Variants in CFAP91 observed in about 807,000 individuals in gnomAD.
CFAP91 encodes the protein cilia- and flagella-associated protein 91.
Under a neutral mutation model 95.9 loss-of-function variants are expected in CFAP91, and 85 were observed. The observed-to-expected ratio is 0.89, with a 90% CI of 0.74 to 1.06. CFAP91 has a LOEUF of 1.06. Among genes scored for constraint, CFAP91 ranks in the 50% least tolerant of loss-of-function variants. The pLI, the probability that CFAP91 is intolerant of heterozygous loss-of-function variation, is 0.00. For missense variants in CFAP91, 962 were observed against 943.4 expected (o/e 1.02, Z -0.26); for synonymous variants, 335 against 327.5 (o/e 1.02, Z -0.25).
At chr3:119,722,303 A>G (rs1429943235) in intron 6 of CFAP91, among the ~76,000 whole-genome samples, 1 of 152,014 alleles carries the variant, frequency 6.6e-6, no homozygotes, top group African/African-American at 2.4e-5. Context: ...CTAAAAATAC[A>G]GAGAAATTAG....
chr3:119,723,540 C>G (rs77419942), intron 6 of CFAP91, among the ~76,000 whole-genome samples: 1,936 of 152,236 alleles, frequency 0.013, 51 homozygotes, highest in African/African-American at 0.044. Context: ...CTGTATATAT[C>G]AGTACAGCTA....
At chr3:119,749,804 T>G (rs950481617) in intron 16 of CFAP91, among the ~76,000 whole-genome samples, 1 of 152,216 alleles carries the variant, frequency 6.6e-6, no homozygotes, top group Non-Finnish European at 1.5e-5. Context: ...ACAGACGATT[T>G]TGAGGTATAT....
At chr3:119,727,697 A>T (rs1232424941) in intron 7 of CFAP91, among the ~76,000 whole-genome samples, 1 of 152,194 alleles carries the variant, frequency 6.6e-6, no homozygotes, top group Non-Finnish European at 1.5e-5. Context: ...TGTGTCTATC[A>T]GGTGATGTGC....
chr3:119,709,632 C>T (rs938803216), intron 4 of CFAP91, among the ~76,000 whole-genome samples: 2 of 152,184 alleles, frequency 1.3e-5, no homozygotes, highest in African/African-American at 4.8e-5. Context: ...TGTACTGAAT[C>T]TCATGGGCCA....
Position 119,750,917 on chromosome 3 carries a change from T to A in CFAP91, c.2144-20T>A, listed in dbSNP as rs773421837. On this transcript the variant is annotated intron_variant, in intron 16 of 17. Transcript: ENST00000273390. ...TGTTCAGACTTTCAGAATGAAAATTTTTCTATTACTTTGGCACAGTGAGGA... is the reference window on the plus strand; with the variant it reads ...TGTTCAGACTTTCAGAATGAAAATTATTCTATTACTTTGGCACAGTGAGGA... 1.2e-6 allele frequency: 2 copies of A among 1,613,604 alleles called. No individual in the cohort carries two copies. The highest frequency in any genetic ancestry group is 1.7e-6 in the Non-Finnish European group (2 of 1,179,650).
At chr3:119,730,193 T>A (rs1302497069) in intron 7 of CFAP91, 27 bp from the exon 8 acceptor site, 1 of 1,607,348 alleles carries the variant, frequency 6.2e-7, no homozygotes. Context: ...GCCATATGCT[T>A]CTTTATGTTT....
intron 8 of CFAP91, among the ~76,000 whole-genome samples, chr3:119,730,615 TGTGTG>T (rs2053878592): frequency 7.1e-6 from 1 of 139,964 alleles, no homozygotes; most frequent in Non-Finnish European, 1.5e-5. Context: ...TGTGTGTGTG[TGTGTG>T]TGTGTGTGTG....
At chr3:119,730,139 A>G in intron 7 of CFAP91, 81 bp from the exon 8 acceptor site, 1 of 1,376,882 alleles carries the variant, frequency 7.3e-7, no homozygotes, top group Non-Finnish European at 1.0e-6. Context: ...CCCACAGAGA[A>G]GAGCCTGTCT....
rs762192292 is a variant in CFAP91, at chr3:119,733,376, T to A, written c.1214T>A (p.Leu405His). Residue 405 changes from leucine to histidine, a missense_variant, in exon 10 of 18, where the codon CTT becomes CAT. Coordinates refer to ENST00000273390, the MANE Select transcript of CFAP91 (RefSeq NM_033364.4). ...YLNTYEGLVE[L>H]ESCLPDFVTQ... ...TTCCTTCCCATAGGATTAGTGGAACTTGAGTCATGTCTCCCAGATTTTGTG... is the reference window on the plus strand; with the variant it reads ...TTCCTTCCCATAGGATTAGTGGAACATGAGTCATGTCTCCCAGATTTTGTG... The A allele has an allele frequency of 6.2e-7, 1 of 1,614,066 alleles. No individual in the cohort carries two copies. Among genetic ancestry groups the A allele is most frequent in the Middle Eastern group, 1.6e-4 (1 of 6,062 alleles).
At chr3:119,724,652 T>C (rs1577213972) in intron 6 of CFAP91, among the ~76,000 whole-genome samples, 1 of 152,282 alleles carries the variant, frequency 6.6e-6, no homozygotes, top group South Asian at 2.1e-4. Context: ...AAATGCATCA[T>C]TGTGACTGCC....
rs2054178948 is a variant in CFAP91 at position 119,744,176 on chromosome 3, G to A, written c.1882G>A (p.Glu628Lys). ...GGTGGAAAAACAGCGCCTGCGGGAGGAGGACGAGATATTTAAGGAGGCAAG... is the reference window on the plus strand; with the variant it reads ...GGTGGAAAAACAGCGCCTGCGGGAGAAGGACGAGATATTTAAGGAGGCAAG... Reference protein sequence around the residue: ...RQVEKQRLREEDEIFKEVVKV... With the variant: ...RQVEKQRLREKDEIFKEVVKV... Residue 628 changes from glutamate (E) to lysine (K), a missense_variant, in exon 14 of 18, where the codon GAG becomes AAG. By Grantham distance (56) the Glu-to-Lys change is moderately conservative. Coordinates refer to ENST00000273390, the MANE Select transcript of CFAP91 (RefSeq NM_033364.4). 1.9e-6 allele frequency: 3 copies of A among 1,613,230 alleles called. No individual in the cohort carries two copies. The highest frequency in any genetic ancestry group is 1.7e-4 in the Middle Eastern group (1 of 6,026).
chr3:119,730,609 T>C (rs1467712928), intron 8 of CFAP91, among the ~76,000 whole-genome samples: 1 of 76,312 alleles, frequency 1.3e-5, no homozygotes, highest in Non-Finnish European at 2.5e-5. Flanking sequence ...ATAGTGTGTG[T>C]GTGTGTGTGT....
intron 1 of CFAP91, chr3:119,706,501 C>T (rs537819939): frequency 9.0e-5 from 23 of 255,842 alleles, no homozygotes; most frequent in Non-Finnish European, 1.6e-4. Flanking sequence ...GAGTTTTGTT[C>T]ATAGGAGAGA....
In CFAP91 at chr3:119,736,274, T is replaced by G. The variant is rs560391103; in HGVS notation, c.1345-1092T>G. 8.2e-4 allele frequency among the ~76,000 whole-genome samples: 116 copies of G among 141,522 alleles called. 2 individuals are homozygous for G. The highest frequency in any genetic ancestry group is 3.0e-3 in the African/African-American group (113 of 37,800). The allele number at this position is 141,522 out of a possible 152,430, so 92.8% of individuals were successfully genotyped here. ...ATTCTACTTTCTTTCTATTGTTTTT[T>G]TTTTTTTTTTTTTTTGAGTTGGAAT... On this transcript the variant is annotated intron_variant, in intron 10 of 17. Transcript: ENST00000273390.
chr3:119,719,992 A>G (rs2053651142), intron 6 of CFAP91, among the ~76,000 whole-genome samples: 1 of 151,498 alleles, frequency 6.6e-6, no homozygotes, highest in Admixed American at 6.6e-5. Flanking sequence ...AATCCCAGCT[A>G]CTCAGGAGGC....
Position 119,706,888 on chromosome 3 carries a change from ATGTC to A in CFAP91, c.201+5_201+8del. ...CTACCCTGATTCGCAGCAGACTGGTATGTCTAATTCATCAGCCAAGGCTACCTGA... is the reference window on the plus strand; with the variant it reads ...CTACCCTGATTCGCAGCAGACTGGTATAATTCATCAGCCAAGGCTACCTGA... On this transcript the variant is annotated splice_donor_5th_base_variant and intron_variant, in intron 2 of 17. Coordinates refer to ENST00000273390, the MANE Select transcript of CFAP91 (RefSeq NM_033364.4). The A allele has an allele frequency of 1.2e-6, 2 of 1,610,294 alleles. No individual in the cohort carries two copies. Among genetic ancestry groups the A allele is most frequent in the South Asian group, 2.2e-5 (2 of 90,936 alleles).
At chr3:119,754,115 A>G (rs1378236911) in intron 17 of CFAP91, among the ~76,000 whole-genome samples, 13 of 152,190 alleles carry the variant, frequency 8.5e-5, no homozygotes, top group Non-Finnish European at 2.9e-5. Flanking sequence ...TACATACTAT[A>G]TATATGGACA....
chr3:119,730,647 T>TGTGTGTGTGG (rs1161990308), intron 8 of CFAP91, among the ~76,000 whole-genome samples: 1 of 123,656 alleles, frequency 8.1e-6, no homozygotes, highest in African/African-American at 2.9e-5. Context: ...TGTGTGTGTG[T>TGTGTGTGTGG]GTGGTGGGAT....
intron 6 of CFAP91, among the ~76,000 whole-genome samples, chr3:119,718,429 A>C (rs2053619575): frequency 6.6e-6 from 1 of 152,198 alleles, no homozygotes; most frequent in Non-Finnish European, 1.5e-5. Context: ...AGAACAAGAT[A>C]AAAGAAAAGT....
Sources: allele counts gnomAD v4.1 joint callset (sites outside exome capture counted in the v4.1 genomes callset), GRCh38; gene constraint gnomAD v4.1.1; transcripts MANE v1.5; gene names NCBI Gene and HGNC (gene_info 2026-07-23, HGNC 2026-07-21).